Variants in TGDS observed in about 807,000 individuals in gnomAD.
The protein encoded by TGDS is TDP-glucose 4,6-dehydratase, also known as UDP-D-glucose 4,6-dehydratase.
In TGDS, 47 loss-of-function variants were observed where a neutral mutation model predicts 52.3. That is an observed-to-expected ratio of 0.90 (90% confidence interval 0.71 to 1.15). TGDS has a LOEUF of 1.15. TGDS is among the 50% of genes most tolerant of loss of function. TGDS has a pLI of 0.00. For synonymous variants in TGDS, 115 were observed against 136.9 expected (o/e 0.84, Z 1.12); for missense variants, 375 against 418.4 (o/e 0.90, Z 0.90).
rs542095218 is a variant in TGDS at position 94,586,412 on chromosome 13, A to G, written c.314-3176T>C. On this transcript the variant is annotated intron_variant, in intron 4 of 11. Coordinates refer to ENST00000261296, the MANE Select transcript of TGDS (RefSeq NM_014305.4). ...TTTAAAGCAGTACACATCACCGGGGAAAAAAGATCACTTCATAAGTATAAA... is the reference window on the plus strand; with the variant it reads ...TTTAAAGCAGTACACATCACCGGGGGAAAAAGATCACTTCATAAGTATAAA... Among the ~76,000 whole-genome samples, 3 of 152,344 alleles carry G rather than the reference A, an allele frequency of 2.0e-5. No homozygotes were observed. The South Asian group carries it at 6.2e-4, about 32-fold the overall frequency.
In TGDS at chr13:94,576,943, A is replaced by G. The variant is rs142397973; in HGVS notation, c.884+428T>C. On this transcript the variant is annotated intron_variant, in intron 10 of 11. Transcript: ENST00000261296. ...TGGTGCAAACCCGTCTCTACTAAAA[A>G]TACGAAAATTAGCTGGGTGTAGTGG... Among the ~76,000 whole-genome samples, 327 of 152,312 alleles carry G rather than the reference A, an allele frequency of 2.1e-3. 1 individual carries two copies. The highest frequency in any genetic ancestry group is 3.7e-3 in the Non-Finnish European group (254 of 68,034).
At chr13:94,575,451 C>T (rs558421278) in intron 11 of TGDS, among the ~76,000 whole-genome samples, 15 of 151,674 alleles carry the variant, frequency 9.9e-5, no homozygotes, top group African/African-American at 2.2e-4. Flanking sequence ...CACCATGCCC[C>T]GCTGATTTTT....
chr13:94,575,298 T>TTC (rs1888561974), intron 11 of TGDS, among the ~76,000 whole-genome samples: 1 of 150,564 alleles, frequency 6.6e-6, no homozygotes, highest in African/African-American at 2.4e-5. Flanking sequence ...TTTTTTTTTT[T>TTC]TTTTTTTTAA....
chr13:94,590,869 G>A lies in TGDS; in HGVS notation c.297C>T (p.Ala99=), dbSNP rs61741685. The A allele has an allele frequency of 2.1e-3, 3,336 of 1,566,964 alleles. 64 individuals are homozygous for A. The African/African-American group carries it at 0.037, about 17-fold the overall frequency. Reference sequence around the variant, plus strand: ...AATGCTTACCTACATGTGTTTGTGCGGCAAAATGTAGTACTATATCTATTT... The same window carrying A: ...AATGCTTACCTACATGTGTTTGTGCAGCAAAATGTAGTACTATATCTATTT... ...TEKIDIVLHF[A]AQTHVDLSFV... The change falls in exon 4 of 12, where the codon GCC becomes GCT. Residue 99 remains alanine (A), a synonymous_variant. Coordinates refer to ENST00000261296, the MANE Select transcript of TGDS (RefSeq NM_014305.4).
chr13:94,596,237 G>T, upstream of TGDS: 9 of 1,304,464 alleles, frequency 6.9e-6, no homozygotes, highest in Non-Finnish European at 9.5e-6. Context: ...CGCGGGACAC[G>T]TTAACAGAGC....
In TGDS at chr13:94,577,421, C is replaced by A; in HGVS notation, c.834G>T (p.Glu278Asp). 1 of 1,569,270 alleles carries A rather than the reference C, an allele frequency of 6.4e-7. No individual in the cohort carries two copies. Among genetic ancestry groups the A allele is most frequent in the South Asian group, 1.2e-5 (1 of 82,842 alleles). Reference protein sequence around the residue: ...LAKELIQLIKETNSESEMENW... With the variant: ...LAKELIQLIKDTNSESEMENW... ...TTTCCATTTCAGACTCTGAATTGGT[C>A]TCTTTGATCTGTCAAAATGGAAAAA... The change falls in exon 10 of 12, where the codon GAG becomes GAT. Residue 278 changes from glutamate (E) to aspartate (D), a missense_variant. Coordinates refer to ENST00000261296, the MANE Select transcript of TGDS (RefSeq NM_014305.4).
chr13:94,596,193 A>G (rs1889378154), upstream of TGDS: 1 of 1,560,450 alleles, frequency 6.4e-7, no homozygotes. Flanking sequence ...AGCGCAGGGA[A>G]GTTCCGCCGC....
At chr13:94,595,869 A>G in intron 1 of TGDS, 182 bp downstream of exon 1, 1 of 674,532 alleles carries the variant, frequency 1.5e-6, no homozygotes, top group Admixed American at 2.8e-5. Flanking sequence ...TCAGTTTCAA[A>G]GGAACCACTT....
chr13:94,592,331 A>C (rs1447542762), intron 2 of TGDS, 22 bp from the exon 3 acceptor site: 1 of 1,577,110 alleles, frequency 6.3e-7, no homozygotes. Flanking sequence ...AGAGCACAGA[A>C]GGGGCAACAC....
At chr13:94,585,555 T>C (rs572123155) in intron 4 of TGDS, among the ~76,000 whole-genome samples, 30 of 151,784 alleles carry the variant, frequency 2.0e-4, no homozygotes, top group Non-Finnish European at 3.8e-4. Context: ...CCCAGCACTT[T>C]GGGAGGCCCA....
chr13:94,582,631 T>G (rs1888837880), intron 5 of TGDS, among the ~76,000 whole-genome samples: 1 of 152,184 alleles, frequency 6.6e-6, no homozygotes, highest in South Asian at 2.1e-4. Context: ...CAAGGGAGAT[T>G]AACATTTGAG....
At position 94,582,437 on chromosome 13, in the gene TGDS, T is replaced by C. The variant is rs575691512; in HGVS notation, c.456+657A>G. 7.2e-5 allele frequency among the ~76,000 whole-genome samples: 11 copies of C among 152,268 alleles called. No homozygotes were observed. The East Asian group carries it at 1.9e-3, about 27-fold the overall frequency. ...TGTACCTAAAGAGAATTCTGGGGCA[T>C]GAAAAAATAAATGAATAAGTCTCTA... On this transcript the variant is annotated intron_variant, in intron 5 of 11. Coordinates refer to ENST00000261296, the MANE Select transcript of TGDS (RefSeq NM_014305.4).
At chr13:94,587,998 C>CAAAA (rs71111537) in intron 4 of TGDS, among the ~76,000 whole-genome samples, 1 of 86,398 alleles carries the variant, frequency 1.2e-5, no homozygotes, top group Non-Finnish European at 2.3e-5. Flanking sequence ...CACTCCATCT[C>CAAAA]AAAAAAAAAA....
At chr13:94,585,399 A>T (rs1736520185) in intron 4 of TGDS, among the ~76,000 whole-genome samples, 1 of 152,338 alleles carries the variant, frequency 6.6e-6, no homozygotes, top group East Asian at 1.9e-4. Context: ...GAATGACATA[A>T]TTAGGATATC....
At chr13:94,583,358 G>T in intron 4 of TGDS, 122 bp from the exon 5 acceptor site, 3 of 971,222 alleles carry the variant, frequency 3.1e-6, no homozygotes, top group Non-Finnish European at 2.9e-6. Flanking sequence ...AGCTGCAAGA[G>T]TTATAATAAT....
chr13:94,575,685 T>G (rs2139511456), intron 11 of TGDS, among the ~76,000 whole-genome samples: 1 of 152,280 alleles, frequency 6.6e-6, no homozygotes, highest in East Asian at 1.9e-4. Context: ...AAATTATTTT[T>G]TGTTTCTTAA....
In TGDS at chr13:94,583,226, G is replaced by A. The variant is rs143460763; in HGVS notation, c.324C>T (p.Phe108=). The change falls in exon 5 of 12, where the codon TTC becomes TTT. Residue 108 remains phenylalanine (F), a synonymous_variant. Coordinates refer to ENST00000261296, the MANE Select transcript of TGDS (RefSeq NM_014305.4). ...FAAQTHVDLS[F]VRAFEFTYVN... ...CATAGGTAAACTCAAAGGCACGTAC[G>A]AATGAAAGATCTAAAAGAAAAGAGT... 5.7e-5 allele frequency: 92 copies of A among 1,611,304 alleles called. No individual in the cohort carries two copies. The highest frequency in any genetic ancestry group is 7.0e-5 in the Non-Finnish European group (83 of 1,179,260).
chr13:94,581,704 A>C lies in TGDS; in HGVS notation c.457-515T>G, dbSNP rs536159995. Among the ~76,000 whole-genome samples, 6 of 152,344 alleles carry C rather than the reference A, an allele frequency of 3.9e-5. No individual in the cohort carries two copies. The East Asian group carries it at 1.2e-3, about 29-fold the overall frequency. On this transcript the variant is annotated intron_variant, in intron 5 of 11. Coordinates refer to ENST00000261296, the MANE Select transcript of TGDS (RefSeq NM_014305.4). ...CAGAATTGAAAATTGAGAAGTGGTCAAGGTTTACTTTTTCTCACTGTAAGT... is the reference window on the plus strand; with the variant it reads ...CAGAATTGAAAATTGAGAAGTGGTCCAGGTTTACTTTTTCTCACTGTAAGT...
rs76649081 is a variant in TGDS at position 94,594,927 on chromosome 13, T to G, written c.87-1020A>C. 1.9e-3 allele frequency among the ~76,000 whole-genome samples: 292 copies of G among 152,288 alleles called. 3 individuals carry two copies. The highest frequency in any genetic ancestry group is 7.0e-3 in the African/African-American group (291 of 41,560). On this transcript the variant is annotated intron_variant, in intron 1 of 11. Transcript: ENST00000261296. ...CCATTCCACAATTACTAAAGACTTA[T>G]ATAGAATGGGCCAGGCATTCTTCCA...
Sources: gnomAD v4.1 joint callset for allele counts (sites outside exome capture counted in the v4.1 genomes callset) on GRCh38, gnomAD v4.1.1 for gene constraint, MANE v1.5 for transcripts, NCBI Gene and HGNC (gene_info 2026-07-23, HGNC 2026-07-21) for gene names.